Variants in ANO3 observed in about 807,000 individuals in gnomAD.
The protein encoded by ANO3 is anoctamin 3.
Under a neutral mutation model 144.8 loss-of-function variants are expected in ANO3, and 99 were observed. The observed-to-expected ratio is 0.68, with a 90% CI of 0.58 to 0.81. The LOEUF is 0.81. Among genes scored for constraint, ANO3 ranks in the 30% least tolerant of loss-of-function variants. The probability of loss-of-function intolerance (pLI) is 0.00; values close to 1 mark genes in which losing one functional copy is unlikely to be tolerated. For missense variants in ANO3, 905 were observed against 1,202.2 expected (o/e 0.75, Z 3.66); for synonymous variants, 414 against 392.6 (o/e 1.05, Z -0.64).
chr11:26,629,952 A>C (rs1000626755), intron 18 of ANO3, among the ~76,000 whole-genome samples: 3 of 152,188 alleles, frequency 2.0e-5, no homozygotes, highest in African/African-American at 7.2e-5. Flanking sequence ...TATTTTATTT[A>C]GGAATTTCCA....
chr11:26,288,855 C>G (rs1422619235), intron 1 of ANO3, among the ~76,000 whole-genome samples: 3 of 151,964 alleles, frequency 2.0e-5, no homozygotes, highest in African/African-American at 7.2e-5. Context: ...CTGCAAATGT[C>G]CCTCTGGGAA....
chr11:26,514,125 A>G (rs1446474358), intron 5 of ANO3, among the ~76,000 whole-genome samples: 1 of 152,114 alleles, frequency 6.6e-6, no homozygotes, highest in Non-Finnish European at 1.5e-5. Flanking sequence ...GTTCAGAGAA[A>G]AACATTTAAC....
At chr11:26,632,549 A>G (rs1852819261) in intron 18 of ANO3, among the ~76,000 whole-genome samples, 1 of 147,068 alleles carries the variant, frequency 6.8e-6, no homozygotes, top group Non-Finnish European at 1.5e-5. Flanking sequence ...TATAAAATAT[A>G]TATAATATAT....
intron 1 of ANO3, among the ~76,000 whole-genome samples, chr11:26,252,761 A>G (rs777124077): frequency 8.5e-5 from 13 of 152,180 alleles, no homozygotes; most frequent in Non-Finnish European, 1.6e-4. Flanking sequence ...TTCACTACTC[A>G]GTGAACAACA....
At position 26,189,222 on chromosome 11, in the gene ANO3, T is replaced by C. The variant is rs1363067375; in HGVS notation, c.46T>C (p.Phe16Leu). Residue 16 changes from phenylalanine (F) to leucine (L), a missense_variant, in exon 1 of 28, where the codon TTC (phenylalanine) becomes CTC (leucine). By Grantham distance (22) the Phe-to-Leu change is conservative (BLOSUM62 0). Transcript: ENST00000672621. The stretch of plus-strand genomic sequence containing the variant: ...ACTGGATAATTTTTCTCCTGAAGGC[T>C]TCAGACATGAGCACGCTTCCAACTC... 2 of 985,228 alleles carry C rather than the reference T, an allele frequency of 2.0e-6. No individual in the cohort carries two copies. Among genetic ancestry groups the C allele is most frequent in the Non-Finnish European group, 2.4e-6 (2 of 829,888 alleles). 61.0% of individuals were successfully genotyped at this position (985,228 alleles called of 1,614,324 possible). A position where few individuals can be genotyped will look rare whatever the true frequency, so the allele number is the denominator to read the frequency against.
intron 1 of ANO3, among the ~76,000 whole-genome samples, chr11:26,224,959 G>C (rs1852227979): frequency 6.6e-6 from 1 of 152,016 alleles, no homozygotes; most frequent in African/African-American, 2.4e-5. Flanking sequence ...CTTTTTGCTT[G>C]TTTATTGCAT....
At chr11:26,583,190 T>C (rs1194310336) in intron 14 of ANO3, among the ~76,000 whole-genome samples, 1 of 152,226 alleles carries the variant, frequency 6.6e-6, no homozygotes, top group Non-Finnish European at 1.5e-5. Context: ...AGAGTTCTCA[T>C]TGTAATTTAA....
chr11:26,615,306 C>A (rs1377263694), intron 17 of ANO3, among the ~76,000 whole-genome samples: 1 of 150,198 alleles, frequency 6.7e-6, no homozygotes, highest in East Asian at 1.9e-4. Flanking sequence ...TGCAGCATCC[C>A]AGCACATATA....
chr11:26,493,313 GT>G (rs1224199602), intron 4 of ANO3, among the ~76,000 whole-genome samples: 2 of 152,122 alleles, frequency 1.3e-5, no homozygotes, highest in Admixed American at 6.5e-5. Flanking sequence ...GATGTGATGT[GT>G]TTCCATCCCT....
chr11:26,279,138 A>C (rs1853622012), intron 1 of ANO3, among the ~76,000 whole-genome samples: 1 of 152,136 alleles, frequency 6.6e-6, no homozygotes. Context: ...GAGAAAATGA[A>C]TGTATCTTCC....
intron 1 of ANO3, among the ~76,000 whole-genome samples, chr11:26,391,251 G>C (rs986781097): frequency 2.0e-5 from 3 of 152,086 alleles, no homozygotes; most frequent in Non-Finnish European, 2.9e-5. Flanking sequence ...GGGCTCACCA[G>C]AGACAGACAG....
At chr11:26,262,080 C>G (rs1853202989) in intron 1 of ANO3, among the ~76,000 whole-genome samples, 1 of 152,164 alleles carries the variant, frequency 6.6e-6, no homozygotes, top group Non-Finnish European at 1.5e-5. Context: ...AAAGTTTCTC[C>G]TAGCCTATTC....
intron 5 of ANO3, among the ~76,000 whole-genome samples, chr11:26,511,419 CA>C (rs1038872327): frequency 3.3e-5 from 5 of 151,760 alleles, no homozygotes; most frequent in African/African-American, 4.8e-5. Flanking sequence ...AGAAAACAAA[CA>C]AAAAAAAATT....
At chr11:26,237,119 G>C (rs939364290) in intron 1 of ANO3, among the ~76,000 whole-genome samples, 1 of 151,856 alleles carries the variant, frequency 6.6e-6, no homozygotes, top group African/African-American at 2.4e-5. Flanking sequence ...TCCAACTCCC[G>C]GAGTATTGTC....
chr11:26,458,175 G>A (rs965437586), intron 3 of ANO3, among the ~76,000 whole-genome samples: 7 of 152,068 alleles, frequency 4.6e-5, no homozygotes, highest in African/African-American at 1.4e-4. Context: ...ACATGAGGAG[G>A]ATTTCATAAA....
At chr11:26,192,275 A>C (rs1451963133) in intron 1 of ANO3, among the ~76,000 whole-genome samples, 1 of 152,112 alleles carries the variant, frequency 6.6e-6, no homozygotes, top group Non-Finnish European at 1.5e-5. Flanking sequence ...GTCAAGTTTT[A>C]TTTATTCATT....
intron 1 of ANO3, among the ~76,000 whole-genome samples, chr11:26,325,596 A>C (rs1297425357): frequency 6.6e-6 from 1 of 152,150 alleles, no homozygotes; most frequent in Admixed American, 6.6e-5. Flanking sequence ...TACTTCAAAA[A>C]TCTTTTCATC....
In ANO3 at chr11:26,595,457, G is replaced by GTTTTTTTTT. The variant is rs1411703035; in HGVS notation, c.1448-2906_1448-2905insTTTTTTTTT. The stretch of plus-strand genomic sequence containing the variant: ...ACTTTTGACTCAGTATTGAGATAGA[G>GTTTTTTTTT]TTGTTTTTTTTTTTTTTTTTTTTTT... On this transcript the variant is annotated intron_variant, in intron 14 of 26. Coordinates refer to ENST00000256737, the MANE Select transcript of ANO3 (RefSeq NM_031418.4). Among the ~76,000 whole-genome samples the GTTTTTTTTT allele has an allele frequency of 1.2e-3, 81 of 67,818 alleles. 1 individual carries two copies. The highest frequency in any genetic ancestry group is 4.6e-3 in the East Asian group (11 of 2,390). The allele number at this position is 67,818 out of a possible 152,430, so 44.5% of individuals were successfully genotyped here.
At chr11:26,253,548 A>G (rs1852986964) in intron 1 of ANO3, among the ~76,000 whole-genome samples, 1 of 151,794 alleles carries the variant, frequency 6.6e-6, no homozygotes, top group Non-Finnish European at 1.5e-5. Context: ...TATCCCCTGA[A>G]CTTAAAATAA....
Sources: allele counts gnomAD v4.1 joint callset (sites outside exome capture counted in the v4.1 genomes callset), GRCh38; gene constraint gnomAD v4.1.1; transcripts MANE v1.5; gene names NCBI Gene and HGNC (gene_info 2026-07-23, HGNC 2026-07-21).